ZIC4: variants seen among roughly 807,000 people sequenced by gnomAD.
ZIC4 encodes zinc finger protein ZIC 4.
In ZIC4, 15 loss-of-function variants were observed where a neutral mutation model predicts 28.8. The ratio of observed to expected loss-of-function variants is 0.52; its 90% CI spans 0.35 to 0.80. The LOEUF (loss-of-function observed/expected upper bound fraction) is 0.80, where lower values mean the gene tolerates loss of function less well. Ranked by LOEUF, ZIC4 falls within the 30% of genes least tolerant of loss-of-function variation. ZIC4 has a pLI of 0.01. For missense variants in ZIC4, 512 were observed against 467.1 expected, an observed-to-expected ratio of 1.10 and a Z score of -0.89; for synonymous variants, 220 against 198.1, an observed-to-expected ratio of 1.11 and a Z score of -0.93.
rs769840851 is a variant in ZIC4 at position 147,391,054 on chromosome 3, G to T, written c.881C>A (p.Pro294His). The T allele has an allele frequency of 6.2e-7, 1 of 1,614,000 alleles. No individual in the cohort carries two copies. The highest frequency in any genetic ancestry group is 8.5e-7 in the Non-Finnish European group (1 of 1,180,024). The stretch of plus-strand genomic sequence containing the variant: ...TGTAGCCGAATCGTAGCCAGAGCTG[G>T]GCGGCGGCGAGCGCCCGTGCACCTT... ...HMKVHGRSPP[P>H]SSGYDSATPS... The change falls in exon 4 of 5, where the codon CCC (proline) becomes CAC (histidine). Residue 294 changes from proline (P) to histidine (H), a missense_variant. By Grantham distance (77) the Pro-to-His change is moderately conservative. Around this residue, in one of 3 missense-constraint regions of ZIC4, gnomAD observed 144 missense variants for 116.8 expected, o/e 1.23. Transcript: ENST00000383075.
intron 3 of ZIC4, 67 bp from the exon 4 acceptor site, chr3:147,391,313 C>T (rs2086913195): frequency 2.7e-6 from 4 of 1,459,462 alleles, no homozygotes; most frequent in Non-Finnish European, 3.7e-6. Context: ...TTGCCACCCT[C>T]CCCCATTCGT....
At chr3:147,389,992 G>T (rs973897322) in intron 4 of ZIC4, among the ~76,000 whole-genome samples, 7 of 152,156 alleles carry the variant, frequency 4.6e-5, no homozygotes, top group African/African-American at 1.7e-4. Context: ...GTGGGAAAAA[G>T]GCCCGGGGAG....
At chr3:147,394,717 A>G (rs1474355472) in intron 3 of ZIC4, among the ~76,000 whole-genome samples, 1 of 152,170 alleles carries the variant, frequency 6.6e-6, no homozygotes, top group Non-Finnish European at 1.5e-5. Context: ...CTTTAGAAAT[A>G]AAGTGCCAGG....
intron 3 of ZIC4, chr3:147,392,301 C>T: frequency 1.0e-6 from 1 of 985,760 alleles, no homozygotes; most frequent in Non-Finnish European, 1.2e-6. Flanking sequence ...CACCAGGCGG[C>T]TGGCATAGGC....
At position 147,388,454 on chromosome 3, in the gene ZIC4, G is replaced by A. The variant is rs927363720; in HGVS notation, c.*405C>T. 2 of 216,060 alleles carry A rather than the reference G, an allele frequency of 9.3e-6. No homozygotes were observed. The highest frequency in any genetic ancestry group is 1.0e-4 in the East Asian group (1 of 9,988). 13.4% of individuals were successfully genotyped at this position (216,060 alleles called of 1,614,324 possible). ...GATCACCGCAGAAAGCAGAAACAAA[G>A]GGGGCTGAGCGGCGATTCAAGCGGC... On this transcript the variant is annotated 3_prime_UTR_variant, in exon 5 of 5. Transcript: ENST00000383075.
chr3:147,394,598 A>G (rs965323457), intron 3 of ZIC4, among the ~76,000 whole-genome samples: 3 of 151,820 alleles, frequency 2.0e-5, no homozygotes, highest in Non-Finnish European at 4.4e-5. Context: ...TTCCAGTGTG[A>G]CCTACCGCCC....
rs745992290 is a variant in ZIC4 at position 147,386,566 on chromosome 3, G to A, written c.*2293C>T. ...AACTTCTTTACAAGCCATTTATTCAGCACACACAGAGTAGGGGGACCAGCA... is the reference window on the plus strand; with the variant it reads ...AACTTCTTTACAAGCCATTTATTCAACACACACAGAGTAGGGGGACCAGCA... On this transcript the variant is annotated 3_prime_UTR_variant, in exon 5 of 5. Transcript: ENST00000383075. 6.6e-6 allele frequency: 1 copy of A among 152,618 alleles called. No homozygotes were observed. Among genetic ancestry groups the A allele is most frequent in the Non-Finnish European group, 1.5e-5 (1 of 68,038 alleles). The allele number at this position is 152,618 out of a possible 1,614,324, so 9.5% of individuals were successfully genotyped here. A position where few individuals can be genotyped will look rare whatever the true frequency, so the allele number is the denominator to read the frequency against.
chr3:147,402,894 T>A (rs986043810), intron 1 of ZIC4, 82 bp from the exon 2 acceptor site: 1 of 1,154,718 alleles, frequency 8.7e-7, no homozygotes, highest in Non-Finnish European at 1.3e-6. Flanking sequence ...TTTGAATGTA[T>A]GAATGAAAGA....
chr3:147,389,145 A>G (rs1375298865), intron 4 of ZIC4: 4 of 508,238 alleles, frequency 7.9e-6, no homozygotes, highest in African/African-American at 7.7e-5. Flanking sequence ...GCCCTATTGT[A>G]TTAGGTGTAG....
At chr3:147,401,970 G>A (rs1260745997) in intron 2 of ZIC4, among the ~76,000 whole-genome samples, 1 of 152,130 alleles carries the variant, frequency 6.6e-6, no homozygotes, top group African/African-American at 2.4e-5. Context: ...ATCATCCCCA[G>A]ATAATATAGA....
In ZIC4 at chr3:147,387,404, G is replaced by A. The variant is rs2107957099; in HGVS notation, c.*1455C>T. The A allele has an allele frequency of 6.5e-6, 1 of 152,742 alleles. No individual in the cohort carries two copies. Among genetic ancestry groups the A allele is most frequent in the East Asian group, 1.9e-4 (1 of 5,178 alleles). 9.5% of individuals were successfully genotyped at this position (152,742 alleles called of 1,614,324 possible). ...AAAGAACCTTTTACGTTTCATCAGC[G>A]TTGTTAGGACGACAAGCAGGAATGT... On this transcript the variant is annotated 3_prime_UTR_variant, in exon 5 of 5. Coordinates refer to ENST00000383075, the MANE Select transcript of ZIC4 (RefSeq NM_032153.6).
At position 147,396,084 on chromosome 3, in the gene ZIC4, G is replaced by A. The variant is rs746364914; in HGVS notation, c.456C>T (p.His152=). 2.5e-6 allele frequency: 4 copies of A among 1,614,238 alleles called. No individual in the cohort carries two copies. The highest frequency in any genetic ancestry group is 2.2e-5 in the South Asian group (2 of 91,090). ...SLCSKTFSTM[H]ELVTHVTVEH... ...CCACGGTGACGTGCGTGACCAGCTC[G>A]TGCATGGTGCTGAAAGTTTTGGAGC... The change falls in exon 3 of 5, where the codon CAC becomes CAT. Residue 152 remains histidine, a synonymous_variant. Transcript: ENST00000383075. This position sits in a 1 kb window ranked among gnomAD's most constrained non-coding sequence, Gnocchi z 4.2.
chr3:147,392,330 G>C (rs1169215790), intron 3 of ZIC4: 14 of 985,556 alleles, frequency 1.4e-5, no homozygotes, highest in African/African-American at 1.7e-5. Context: ...GGCTGGGATC[G>C]GTGGCTGCGA....
In ZIC4 at chr3:147,386,497, AT is replaced by A. The variant is rs1013126473; in HGVS notation, c.*2361del. On this transcript the variant is annotated 3_prime_UTR_variant, in exon 5 of 5. Transcript: ENST00000383075. ...AAATAAAATCAATATCAGGAAGAAC[AT>A]TTTGCAGCAACTATAATAACAGCAT... The A allele has an allele frequency of 7.2e-5, 11 of 152,772 alleles. No homozygotes were observed. Among genetic ancestry groups the A allele is most frequent in the Admixed American group, 2.0e-4 (3 of 15,304 alleles). 9.5% of individuals were successfully genotyped at this position (152,772 alleles called of 1,614,324 possible).
At chr3:147,400,175 A>C (rs545334799) in intron 2 of ZIC4, among the ~76,000 whole-genome samples, 43 of 152,312 alleles carry the variant, frequency 2.8e-4, no homozygotes, top group African/African-American at 9.6e-4. Flanking sequence ...AGGTTGTGAA[A>C]ATAAAGAGGC....
chr3:147,391,943 C>T (rs1260867084), intron 3 of ZIC4: 1 of 984,772 alleles, frequency 1.0e-6, no homozygotes, highest in African/African-American at 1.7e-5. Context: ...TGAGGGCAAA[C>T]ATTTAGCAGC....
rs757672985 is a variant in ZIC4 at position 147,391,184 on chromosome 3, G to A, written c.751C>T (p.Arg251Cys). ...GTGTGCACGTGCGAATGCTTCTTAC[G>A]GTCGCTGCTGTTGGCGAAGCGCCGC... ...CERRFANSSD[R>C]KKHSHVHTSD... is the part of the protein sequence containing the mutation. The change falls in exon 4 of 5, where the codon CGT (arginine) becomes TGT (cysteine). Residue 251 changes from arginine (R) to cysteine (C), a missense_variant. Arg to Cys is a radical substitution (Grantham distance 180). Transcript: ENST00000383075. The A allele has an allele frequency of 1.9e-6, 3 of 1,608,724 alleles. No individual in the cohort carries two copies. The Admixed American group carries it at 5.0e-5, about 27-fold the overall frequency.
chr3:147,402,439 G>C (rs1313412356), intron 2 of ZIC4, among the ~76,000 whole-genome samples: 3 of 152,190 alleles, frequency 2.0e-5, no homozygotes, highest in Non-Finnish European at 4.4e-5. Context: ...AAGGTCAGGG[G>C]TGGTTGTTTC....
chr3:147,403,856 C>T, intron 1 of ZIC4: 1 of 1,077,138 alleles, frequency 9.3e-7, no homozygotes, highest in Non-Finnish European at 1.3e-6. Flanking sequence ...CTCTCTCTCT[C>T]TCTCCCCCTC....
Sources: allele counts gnomAD v4.1 joint callset (sites outside exome capture counted in the v4.1 genomes callset), GRCh38; gene constraint gnomAD v4.1.1; regional missense constraint gnomAD v4.1.1; non-coding constraint Gnocchi (gnomAD v3.1); transcripts MANE v1.5; gene names NCBI Gene and HGNC (gene_info 2026-07-23, HGNC 2026-07-21).